The following MYO1B variants were observed in gnomAD, a reference collection of about 807,000 sequenced individuals.
The protein encoded by MYO1B is myosin IB, also known as unconventional myosin-Ib.
Under a neutral mutation model 159.7 loss-of-function variants are expected in MYO1B, and 72 were observed. That is an observed-to-expected ratio of 0.45 (90% CI 0.37 to 0.55). The LOEUF (loss-of-function observed/expected upper bound fraction) is 0.55, where lower values mean the gene tolerates loss of function less well. Among genes scored for constraint, MYO1B ranks in the 20% least tolerant of loss-of-function variants. The pLI, the probability that MYO1B is intolerant of heterozygous loss-of-function variation, is 0.00. For missense variants in MYO1B, 1,062 were observed against 1,364.8 expected (o/e 0.78, Z 3.50); for synonymous variants, 468 against 473.8 (o/e 0.99, Z 0.16).
Position 191,309,412 on chromosome 2 carries a change from T to C in MYO1B, c.251+13186T>C, listed in dbSNP as rs573274139. Among the ~76,000 whole-genome samples, 635 of 152,312 alleles carry C rather than the reference T, an allele frequency of 4.2e-3. 3 individuals are homozygous for C. The highest frequency in any genetic ancestry group is 5.7e-3 in the Non-Finnish European group (388 of 68,022). On this transcript the variant is annotated intron_variant, in intron 3 of 30. Transcript: ENST00000392318. ...CACTGTGTCCCTGCTTCAACTCTCC[T>C]GTTGCCTCCGCCTGCCTCCCCTCAA...
chr2:191,314,774 A>G (rs1690238769), intron 3 of MYO1B, among the ~76,000 whole-genome samples: 1 of 152,222 alleles, frequency 6.6e-6, no homozygotes, highest in Non-Finnish European at 1.5e-5. Flanking sequence ...ATTTTAGAAA[A>G]GATTACAGAA....
At chr2:191,264,066 A>C (rs1195375467) in intron 1 of MYO1B, among the ~76,000 whole-genome samples, 15 of 152,212 alleles carry the variant, frequency 9.9e-5, no homozygotes, top group Admixed American at 9.8e-4. Flanking sequence ...CCAACATTAG[A>C]AAAACCAGAA....
intron 1 of MYO1B, among the ~76,000 whole-genome samples, chr2:191,262,732 C>G (rs532115949): frequency 6.6e-6 from 1 of 152,130 alleles, no homozygotes; most frequent in Non-Finnish European, 1.5e-5. Flanking sequence ...GCTCCTATAC[C>G]GGCCGTCCTC....
At chr2:191,299,581 G>A (rs754313553) in intron 3 of MYO1B, among the ~76,000 whole-genome samples, 1 of 152,174 alleles carries the variant, frequency 6.6e-6, no homozygotes, top group East Asian at 1.9e-4. Flanking sequence ...CACTTGTTCC[G>A]TACTAAGGCT....
At chr2:191,388,847 T>C (rs764403846) in intron 17 of MYO1B, among the ~76,000 whole-genome samples, 70 of 152,284 alleles carry the variant, frequency 4.6e-4, no homozygotes, top group Non-Finnish European at 8.2e-4. Flanking sequence ...CGTAAAACAT[T>C]TCCATTACCC....
chr2:191,292,617 G>A (rs1373709046), intron 2 of MYO1B, among the ~76,000 whole-genome samples: 1 of 151,334 alleles, frequency 6.6e-6, no homozygotes, highest in Non-Finnish European at 1.5e-5. Flanking sequence ...TAAGGTCTGA[G>A]TCGATGTTAA....
intron 4 of MYO1B, among the ~76,000 whole-genome samples, chr2:191,340,455 C>T (rs1215204035): frequency 2.6e-5 from 4 of 152,116 alleles, no homozygotes; most frequent in Non-Finnish European, 4.4e-5. Context: ...AGAGGGGACA[C>T]GGACTGATAG....
chr2:191,338,008 C>T (rs558578373), intron 4 of MYO1B, among the ~76,000 whole-genome samples: 3 of 152,136 alleles, frequency 2.0e-5, no homozygotes, highest in African/African-American at 7.2e-5. Flanking sequence ...CAGTTTCCAG[C>T]GTGGTGAAAT....
At chr2:191,343,345 G>A in intron 5 of MYO1B, among the ~76,000 whole-genome samples, 1 of 152,146 alleles carries the variant, frequency 6.6e-6, no homozygotes, top group East Asian at 1.9e-4. Context: ...CTCAGGCTCA[G>A]CCTCTCCTGC....
At chr2:191,296,555 C>A (rs1189700412) in intron 3 of MYO1B, among the ~76,000 whole-genome samples, 1 of 152,126 alleles carries the variant, frequency 6.6e-6, no homozygotes, top group East Asian at 1.9e-4. Context: ...AGAGCCTAAG[C>A]AGCTTTTTCA....
intron 3 of MYO1B, among the ~76,000 whole-genome samples, chr2:191,306,698 C>T (rs1288868181): frequency 1.3e-5 from 2 of 151,658 alleles, no homozygotes; most frequent in Non-Finnish European, 2.9e-5. Context: ...AAAGGGGGAT[C>T]AGAGGGAGAA....
At chr2:191,253,795 G>A (rs1686273323) in intron 1 of MYO1B, among the ~76,000 whole-genome samples, 1 of 152,020 alleles carries the variant, frequency 6.6e-6, no homozygotes. Flanking sequence ...CTTTAATTTT[G>A]TGTTACTGAA....
chr2:191,359,302 A>G (rs1218783199), intron 7 of MYO1B, among the ~76,000 whole-genome samples: 1 of 118,090 alleles, frequency 8.5e-6, no homozygotes, highest in Non-Finnish European at 1.7e-5. Context: ...TGTACTTTTC[A>G]ACCTTTGGGG....
intron 3 of MYO1B, among the ~76,000 whole-genome samples, chr2:191,296,676 G>C (rs1689003465): frequency 6.6e-6 from 1 of 152,206 alleles, no homozygotes; most frequent in African/African-American, 2.4e-5. Context: ...ATGTTCACCA[G>C]ATGCGTGGGA....
intron 21 of MYO1B, among the ~76,000 whole-genome samples, chr2:191,397,416 A>G (rs1025783974): frequency 6.6e-6 from 1 of 150,954 alleles, no homozygotes; most frequent in African/African-American, 2.4e-5. Flanking sequence ...GCTGACTTCA[A>G]GCATCTGTTT....
chr2:191,320,281 TG>T (rs1690620099), intron 3 of MYO1B, among the ~76,000 whole-genome samples: 1 of 152,136 alleles, frequency 6.6e-6, no homozygotes, highest in South Asian at 2.1e-4. Flanking sequence ...CAGTATCCTT[TG>T]TATGCCTCTG....
At chr2:191,269,304 C>T (rs115341708) in intron 1 of MYO1B, among the ~76,000 whole-genome samples, 151 of 152,284 alleles carry the variant, frequency 9.9e-4, no homozygotes, top group Middle Eastern at 6.8e-3. Context: ...CCTCAAGGTT[C>T]GTTGATGTAG....
At chr2:191,330,057 G>A (rs1301223041) in intron 4 of MYO1B, 28 bp downstream of exon 4, 2 of 1,591,760 alleles carry the variant, frequency 1.3e-6, no homozygotes, top group South Asian at 1.1e-5. Context: ...CAACTCTGCA[G>A]AAGGTAAATG....
At chr2:191,256,407 G>A (rs1686453190) in intron 1 of MYO1B, among the ~76,000 whole-genome samples, 1 of 152,186 alleles carries the variant, frequency 6.6e-6, no homozygotes, top group Non-Finnish European at 1.5e-5. Flanking sequence ...GTCAGGCACA[G>A]AGCAAGCACT....
Sources: gnomAD v4.1 joint callset for allele counts (sites outside exome capture counted in the v4.1 genomes callset) on GRCh38, gnomAD v4.1.1 for gene constraint, MANE v1.5 for transcripts, NCBI Gene and HGNC (gene_info 2026-07-23, HGNC 2026-07-21) for gene names.